BCAS3: variants seen among roughly 807,000 people sequenced by gnomAD.
The protein encoded by BCAS3 is BCAS3 microtubule associated cell migration factor, also known as BCAS4/BCAS3 fusion.
Under a neutral mutation model 116.1 loss-of-function variants are expected in BCAS3, and 53 were observed. That is an observed-to-expected ratio of 0.46 (90% CI 0.37 to 0.57). The LOEUF is 0.57. Among genes scored for constraint, BCAS3 ranks in the 20% least tolerant of loss-of-function variants. BCAS3 has a pLI of 0.00. For missense variants in BCAS3, 917 were observed against 1,165.4 expected, an observed-to-expected ratio of 0.79 and a Z score of 3.10; for synonymous variants, 391 against 408.2, an observed-to-expected ratio of 0.96 and a Z score of 0.51.
intron 4 of BCAS3, among the ~76,000 whole-genome samples, chr17:60,698,247 GAT>G (rs2035901888): frequency 1.3e-5 from 2 of 151,004 alleles, no homozygotes; most frequent in Admixed American, 1.3e-4. Context: ...TATGATAGAG[GAT>G]ATAAAATGAA....
In BCAS3 at chr17:61,088,554, A is replaced by C. The variant is rs886350124; in HGVS notation, c.2425+3990A>C. Among the ~76,000 whole-genome samples the C allele has an allele frequency of 1.1e-4, 17 of 152,338 alleles. No individual in the cohort carries two copies. Among genetic ancestry groups the C allele is most frequent in the African/African-American group, 2.2e-4 (9 of 41,572 alleles). ...TAAAGATGTAGGACCTCTAAAGAGA[A>C]AGCAGAAAGACAGCTGTCAATGTCT... On this transcript the variant is annotated intron_variant, in intron 22 of 23. Transcript: ENST00000407086. This position sits in a 1 kb window ranked among gnomAD's most constrained non-coding sequence, Gnocchi z 4.2.
chr17:61,370,493 A>G (rs2058991149), intron 23 of BCAS3, among the ~76,000 whole-genome samples: 1 of 152,054 alleles, frequency 6.6e-6, no homozygotes, highest in Non-Finnish European at 1.5e-5. Flanking sequence ...GGTTCAAGCA[A>G]TTCTCCTGCC....
At chr17:60,863,144 A>G (rs1343786181) in intron 7 of BCAS3, among the ~76,000 whole-genome samples, 1 of 152,134 alleles carries the variant, frequency 6.6e-6, no homozygotes, top group Non-Finnish European at 1.5e-5. Context: ...TTTTGGCACC[A>G]TTTGTTCCAA....
chr17:60,777,597 G>A (rs954511534), intron 6 of BCAS3, among the ~76,000 whole-genome samples: 3 of 152,082 alleles, frequency 2.0e-5, no homozygotes, highest in Admixed American at 2.0e-4. Context: ...GTGCACTCCA[G>A]CCTGGGTGAC....
chr17:60,827,941 A>G (rs2050581083), intron 7 of BCAS3, among the ~76,000 whole-genome samples: 2 of 152,236 alleles, frequency 1.3e-5, no homozygotes, highest in Non-Finnish European at 2.9e-5. Context: ...AACTTAACCA[A>G]AAAGTAAAGC....
chr17:61,312,582 T>C (rs889571510), intron 22 of BCAS3, among the ~76,000 whole-genome samples: 9 of 152,196 alleles, frequency 5.9e-5, no homozygotes, highest in Admixed American at 4.6e-4. Flanking sequence ...TTGTGGCCAA[T>C]GCAAGGAAAA....
chr17:60,857,239 G>C (rs1201026043), intron 7 of BCAS3, among the ~76,000 whole-genome samples: 3 of 152,120 alleles, frequency 2.0e-5, no homozygotes, highest in African/African-American at 7.2e-5. Flanking sequence ...TTTTAAAGAA[G>C]CATTTATTAA....
At position 61,203,258 on chromosome 17, in the gene BCAS3, A is replaced by C. The variant is rs553021766; in HGVS notation, c.2425+118694A>C. On this transcript the variant is annotated intron_variant, in intron 22 of 23. Transcript: ENST00000407086. The surrounding 1 kb of genome is among the most constrained non-coding windows in gnomAD (Gnocchi z 5.7). Reference sequence around the variant, plus strand: ...CTGCAGCCTCTACTTCCTGGGTTCAAATGATTCTCCTGCCTCAGCCTCCCG... The same window carrying C: ...CTGCAGCCTCTACTTCCTGGGTTCACATGATTCTCCTGCCTCAGCCTCCCG... Among the ~76,000 whole-genome samples the C allele has an allele frequency of 6.6e-6, 1 of 152,124 alleles. No homozygotes were observed. Among genetic ancestry groups the C allele is most frequent in the South Asian group, 2.1e-4 (1 of 4,814 alleles).
intron 19 of BCAS3, among the ~76,000 whole-genome samples, chr17:61,043,644 C>CA (rs1170429855): frequency 1.3e-5 from 2 of 151,866 alleles, no homozygotes; most frequent in East Asian, 3.9e-4. Context: ...CATTGTGTCC[C>CA]AGGCTGAGTA....
chr17:61,318,833 C>T (rs1191573703), intron 22 of BCAS3, among the ~76,000 whole-genome samples: 1 of 152,166 alleles, frequency 6.6e-6, no homozygotes, highest in Non-Finnish European at 1.5e-5. Flanking sequence ...CTGGAGAGTG[C>T]TTTCCTTCCC....
chr17:61,355,341 T>C lies in BCAS3; in HGVS notation c.2426-12986T>C, dbSNP rs935571258. On this transcript the variant is annotated intron_variant, in intron 22 of 23. Coordinates refer to ENST00000407086, the MANE Select transcript of BCAS3 (RefSeq NM_017679.5). The surrounding 1 kb of genome is among the most constrained non-coding windows in gnomAD (Gnocchi z 4.2). ...TTGAGAGCCTCGTGTTTGACTTATT[T>C]GTGGAGCACAGAAATCACAGGATTT... Among the ~76,000 whole-genome samples, 17 of 152,208 alleles carry C rather than the reference T, an allele frequency of 1.1e-4. No homozygotes were observed. Among genetic ancestry groups the C allele is most frequent in the African/African-American group, 4.1e-4 (17 of 41,444 alleles).
chr17:61,059,897 G>A (rs950788732), intron 19 of BCAS3, among the ~76,000 whole-genome samples: 21 of 151,940 alleles, frequency 1.4e-4, no homozygotes, highest in African/African-American at 4.3e-4. Context: ...GTGGTGGCGC[G>A]TGCCTGTAAT....
intron 14 of BCAS3, among the ~76,000 whole-genome samples, chr17:60,989,651 A>G (rs1332239525): frequency 6.6e-6 from 1 of 152,140 alleles, no homozygotes; most frequent in Non-Finnish European, 1.5e-5. Context: ...CTGCAGATAC[A>G]TGAATTATTG....
chr17:60,918,691 A>ATTTTT (rs1161722822), intron 12 of BCAS3, among the ~76,000 whole-genome samples: 1 of 127,802 alleles, frequency 7.8e-6, no homozygotes, highest in Non-Finnish European at 1.6e-5. Flanking sequence ...AAGCTTCTCA[A>ATTTTT]TTTTTTTTTT....
chr17:60,998,094 A>G (rs1268488934), intron 15 of BCAS3, among the ~76,000 whole-genome samples: 2 of 152,138 alleles, frequency 1.3e-5, no homozygotes, highest in Non-Finnish European at 2.9e-5. Context: ...AAAACATGAC[A>G]TATTTGGTTT....
chr17:61,118,103 C>G lies in BCAS3; in HGVS notation c.2425+33539C>G, dbSNP rs927134362. On this transcript the variant is annotated intron_variant, in intron 22 of 23. Coordinates refer to ENST00000407086, the MANE Select transcript of BCAS3 (RefSeq NM_017679.5). The surrounding 1 kb of genome is among the most constrained non-coding windows in gnomAD (Gnocchi z 5.0). ...ATTTTCAGTTGAAAGCTGGGCATTT[C>G]CCTATGATATGAATTGTACTTAAAC... Among the ~76,000 whole-genome samples, 2 of 152,020 alleles carry G rather than the reference C, an allele frequency of 1.3e-5. No homozygotes were observed. Among genetic ancestry groups the G allele is most frequent in the African/African-American group, 2.4e-5 (1 of 41,396 alleles).
Position 60,995,064 on chromosome 17 carries a change from G to A in BCAS3, c.1486+4829G>A, listed in dbSNP as rs1358371052. Reference sequence around the variant, plus strand: ...GCCATCTCGGCTCACTGCAAGCTCCGCCTCCTGGGTTCAAGCGATTCTCCT... The same window carrying A: ...GCCATCTCGGCTCACTGCAAGCTCCACCTCCTGGGTTCAAGCGATTCTCCT... On this transcript the variant is annotated intron_variant, in intron 15 of 23. Transcript: ENST00000407086. This position sits in a 1 kb window ranked among gnomAD's most constrained non-coding sequence, Gnocchi z 4.7. Among the ~76,000 whole-genome samples, 4 of 152,002 alleles carry A rather than the reference G, an allele frequency of 2.6e-5. No individual in the cohort carries two copies. The highest frequency in any genetic ancestry group is 5.9e-5 in the Non-Finnish European group (4 of 68,020).
Position 61,007,539 on chromosome 17 carries a change from T to C in BCAS3, c.1487-8212T>C, listed in dbSNP as rs1484192662. 6.6e-6 allele frequency among the ~76,000 whole-genome samples: 1 copy of C among 152,028 alleles called. No individual in the cohort carries two copies. Among genetic ancestry groups the C allele is most frequent in the Non-Finnish European group, 1.5e-5 (1 of 67,976 alleles). Reference sequence around the variant, plus strand: ...AAAGGAAAACTACCTAGCAAATTATTTATTGGAGTATTCGTACATAAATAT... The same window carrying C: ...AAAGGAAAACTACCTAGCAAATTATCTATTGGAGTATTCGTACATAAATAT... On this transcript the variant is annotated intron_variant, in intron 15 of 23. Transcript: ENST00000407086. The surrounding 1 kb of genome is among the most constrained non-coding windows in gnomAD (Gnocchi z 4.3).
chr17:60,930,568 G>T (rs1305444544), intron 13 of BCAS3, among the ~76,000 whole-genome samples: 1 of 152,038 alleles, frequency 6.6e-6, no homozygotes, highest in Admixed American at 6.6e-5. Context: ...CAATTCTCCT[G>T]CCCCAGCCTT....
Sources: gnomAD v4.1 joint callset for allele counts (sites outside exome capture counted in the v4.1 genomes callset) on GRCh38, gnomAD v4.1.1 for gene constraint, Gnocchi (gnomAD v3.1) non-coding constraint, MANE v1.5 for transcripts, NCBI Gene and HGNC (gene_info 2026-07-23, HGNC 2026-07-21) for gene names.